Variants in ADGRL2 observed in about 807,000 individuals in gnomAD.
ADGRL2 encodes the protein calcium-independent alpha-latrotoxin receptor 2.
Under a neutral mutation model 157.4 loss-of-function variants are expected in ADGRL2, and 44 were observed. The ratio of observed to expected loss-of-function variants is 0.28; its 90% CI spans 0.22 to 0.36. The LOEUF is 0.36. Among genes scored for constraint, ADGRL2 ranks in the 10% least tolerant of loss-of-function variants. The probability of loss-of-function intolerance (pLI) is 1.00; values close to 1 mark genes in which losing one functional copy is unlikely to be tolerated. For synonymous variants in ADGRL2, 585 were observed against 624.7 expected, an observed-to-expected ratio of 0.94 and a Z score of 0.95; for missense variants, 1,510 against 1,768.9, an observed-to-expected ratio of 0.85 and a Z score of 2.63.
At chr1:81,385,098 C>A (rs2076412505) in intron 1 of ADGRL2, among the ~76,000 whole-genome samples, 1 of 152,058 alleles carries the variant, frequency 6.6e-6, no homozygotes, top group South Asian at 2.1e-4. Context: ...ACATAGTATT[C>A]CATTCCTTTG....
Position 81,411,554 on chromosome 1 carries a change from A to T in ADGRL2, c.-301-33482A>T, listed in dbSNP as rs12044006. Among the ~76,000 whole-genome samples, 470 of 152,344 alleles carry T rather than the reference A, an allele frequency of 3.1e-3. 11 individuals are homozygous for T. The East Asian group carries it at 0.053, about 17-fold the overall frequency. ...GACAGAATTTGAACTCAGGAATCTGAGTGAATTTCTAGAGGTTTTCCTCAC... is the reference window on the plus strand; with the variant it reads ...GACAGAATTTGAACTCAGGAATCTGTGTGAATTTCTAGAGGTTTTCCTCAC... On this transcript the variant is annotated intron_variant, in intron 1 of 24. Transcript: ENST00000370721.
At chr1:81,397,101 G>A (rs937478366) in intron 1 of ADGRL2, among the ~76,000 whole-genome samples, 2 of 152,030 alleles carry the variant, frequency 1.3e-5, no homozygotes, top group Non-Finnish European at 2.9e-5. Context: ...AAGCCATCAG[G>A]TCCTGTACTT....
chr1:81,892,631 A>G (rs2094295057), intron 2 of ADGRL2, among the ~76,000 whole-genome samples: 1 of 152,150 alleles, frequency 6.6e-6, no homozygotes, highest in Admixed American at 6.6e-5. Flanking sequence ...TCTTCCATAA[A>G]TGGCTAGATG....
chr1:81,630,141 G>A (rs888502323), intron 3 of ADGRL2, among the ~76,000 whole-genome samples: 1 of 151,942 alleles, frequency 6.6e-6, no homozygotes, highest in South Asian at 2.1e-4. Flanking sequence ...GCTGAGATAG[G>A]CATTTTAGTG....
chr1:81,623,679 C>G (rs1181012024), intron 3 of ADGRL2, among the ~76,000 whole-genome samples: 1 of 149,350 alleles, frequency 6.7e-6, no homozygotes, highest in Non-Finnish European at 1.5e-5. Flanking sequence ...CTCTGTCACC[C>G]AGGTTGGAGT....
intron 6 of ADGRL2, among the ~76,000 whole-genome samples, chr1:81,949,059 G>C (rs1650894839): frequency 1.3e-5 from 2 of 152,114 alleles, no homozygotes; most frequent in Admixed American, 6.6e-5. Flanking sequence ...ATTATCTCAT[G>C]TGTAGATAAA....
intron 2 of ADGRL2, among the ~76,000 whole-genome samples, chr1:81,547,526 C>T (rs926811111): frequency 6.6e-6 from 1 of 152,188 alleles, no homozygotes; most frequent in Non-Finnish European, 1.5e-5. Context: ...CCGACTTCTT[C>T]CTCACTTTCA....
chr1:81,387,188 AACACTTG>A (rs2076453525), intron 1 of ADGRL2, among the ~76,000 whole-genome samples: 1 of 152,174 alleles, frequency 6.6e-6, no homozygotes, highest in Non-Finnish European at 1.5e-5. Context: ...GTTACGTGAA[AACACTTG>A]GACTTGTAAA....
At chr1:81,556,627 AT>A (rs1222989321) in intron 2 of ADGRL2, among the ~76,000 whole-genome samples, 14 of 151,402 alleles carry the variant, frequency 9.2e-5, no homozygotes, top group African/African-American at 2.2e-4. Flanking sequence ...AAAAAAAAAA[AT>A]TTTTTTTTAC....
At chr1:81,660,275 C>T (rs547903900) in intron 3 of ADGRL2, among the ~76,000 whole-genome samples, 8 of 152,254 alleles carry the variant, frequency 5.3e-5, no homozygotes, top group African/African-American at 1.2e-4. Context: ...TAATAATATG[C>T]TGTCTTTTGT....
chr1:81,695,274 A>T (rs1269096609), upstream of ADGRL2, among the ~76,000 whole-genome samples: 1 of 151,678 alleles, frequency 6.6e-6, no homozygotes, highest in Non-Finnish European at 1.5e-5. Flanking sequence ...TATATTAAAA[A>T]TTATTTTTAA....
intron 1 of ADGRL2, among the ~76,000 whole-genome samples, chr1:81,746,970 G>A (rs1421001125): frequency 2.1e-5 from 3 of 144,194 alleles, no homozygotes; most frequent in Non-Finnish European, 4.5e-5. Context: ...ATATACACAC[G>A]TATACACACG....
At chr1:81,662,748 G>C (rs1229510135) in intron 3 of ADGRL2, among the ~76,000 whole-genome samples, 1 of 151,088 alleles carries the variant, frequency 6.6e-6, no homozygotes, top group Admixed American at 6.6e-5. Context: ...GTAGAGACGG[G>C]GTTTCACCAT....
chr1:81,478,050 G>T (rs186746274), intron 2 of ADGRL2, among the ~76,000 whole-genome samples: 3 of 151,966 alleles, frequency 2.0e-5, no homozygotes, highest in African/African-American at 7.2e-5. Flanking sequence ...TATTTTTGGG[G>T]GTTTTCTTTA....
At chr1:81,820,560 G>A (rs536827170) in intron 1 of ADGRL2, among the ~76,000 whole-genome samples, 2 of 151,504 alleles carry the variant, frequency 1.3e-5, no homozygotes, top group African/African-American at 2.4e-5. Flanking sequence ...TTTTTGGGGG[G>A]AAGACTCTTC....
At chr1:81,450,715 T>A (rs879759526) in intron 2 of ADGRL2, among the ~76,000 whole-genome samples, 1 of 151,936 alleles carries the variant, frequency 6.6e-6, no homozygotes, top group Non-Finnish European at 1.5e-5. Context: ...CAGTGAATGT[T>A]TTGCAAGCAG....
At chr1:81,481,255 G>A (rs558265452) in intron 2 of ADGRL2, among the ~76,000 whole-genome samples, 4 of 152,226 alleles carry the variant, frequency 2.6e-5, no homozygotes, top group South Asian at 2.1e-4. Context: ...AGATAATTCC[G>A]CAAAATTTAA....
chr1:81,872,142 T>C (rs962436614), intron 2 of ADGRL2, among the ~76,000 whole-genome samples: 5 of 152,222 alleles, frequency 3.3e-5, no homozygotes, highest in African/African-American at 1.2e-4. Flanking sequence ...GTTTCAGCTT[T>C]CTACATATGG....
chr1:81,688,522 TA>T (rs1002404916), intron 3 of ADGRL2, among the ~76,000 whole-genome samples: 1 of 152,152 alleles, frequency 6.6e-6, no homozygotes, highest in Non-Finnish European at 1.5e-5. Flanking sequence ...CTGAATATTT[TA>T]TTGTTTTTTC....
Sources: gnomAD v4.1 joint callset for allele counts (sites outside exome capture counted in the v4.1 genomes callset) on GRCh38, gnomAD v4.1.1 for gene constraint, MANE v1.5 for transcripts, NCBI Gene and HGNC (gene_info 2026-07-23, HGNC 2026-07-21) for gene names.